The following CUBN variants were observed in gnomAD, a reference collection of about 807,000 sequenced individuals.
The protein encoded by CUBN is 460 kDa receptor.
In CUBN, 282 loss-of-function variants were observed where a neutral mutation model predicts 405.3. That is an observed-to-expected ratio of 0.70 (90% CI 0.63 to 0.77). CUBN has a LOEUF of 0.77. Ranked by LOEUF, CUBN falls within the 30% of genes least tolerant of loss-of-function variation. The pLI, the probability that CUBN is intolerant of heterozygous loss-of-function variation, is 0.00. For synonymous variants in CUBN, 1,684 were observed against 1,617.0 expected, an observed-to-expected ratio of 1.04 and a Z score of -0.99; for missense variants, 4,514 against 4,475.2, an observed-to-expected ratio of 1.01 and a Z score of -0.25.
chr10:17,062,934 GA>G, intron 22 of CUBN, among the ~76,000 whole-genome samples: 1 of 152,324 alleles, frequency 6.6e-6, no homozygotes, highest in Admixed American at 6.5e-5. Context: ...TTATTCTGCA[GA>G]AAATATCCAA....
At chr10:17,099,788 G>A (rs1392641619) in intron 14 of CUBN, among the ~76,000 whole-genome samples, 3 of 151,848 alleles carry the variant, frequency 2.0e-5, no homozygotes, top group Admixed American at 6.6e-5. Context: ...GGAGGTCGAC[G>A]TTTCAGTGAG....
intron 4 of CUBN, among the ~76,000 whole-genome samples, chr10:17,124,492 G>A (rs12260253): frequency 0.07 from 10,618 of 150,994 alleles, 707 homozygotes; most frequent in East Asian, 0.22. Flanking sequence ...GCAGTGGCGC[G>A]ATCTCCGCTC....
At chr10:17,109,827 A>G in intron 9 of CUBN, 92 bp from the exon 10 acceptor site, 1 of 952,082 alleles carries the variant, frequency 1.1e-6, no homozygotes, top group Non-Finnish European at 1.7e-6. Context: ...GAAATGGACC[A>G]ATCAGGGATC....
intron 59 of CUBN, among the ~76,000 whole-genome samples, chr10:16,857,591 T>G (rs1021092563): frequency 2.0e-5 from 3 of 152,224 alleles, no homozygotes; most frequent in Admixed American, 6.5e-5. Flanking sequence ...ATCATGTCAG[T>G]TGATGCTGAA....
At chr10:17,002,582 C>G (rs539649911) in intron 28 of CUBN, among the ~76,000 whole-genome samples, 1 of 152,288 alleles carries the variant, frequency 6.6e-6, no homozygotes, top group East Asian at 1.9e-4. Flanking sequence ...TGAAGAGACT[C>G]AGAGCCAACA....
intron 28 of CUBN, among the ~76,000 whole-genome samples, chr10:17,018,663 T>C (rs946010345): frequency 6.6e-6 from 1 of 152,138 alleles, no homozygotes; most frequent in African/African-American, 2.4e-5. Flanking sequence ...ATTCCCTTAT[T>C]TGGCCCTGCC....
intron 17 of CUBN, among the ~76,000 whole-genome samples, chr10:17,081,445 TC>T (rs1835965409): frequency 6.6e-6 from 1 of 152,208 alleles, no homozygotes; most frequent in Non-Finnish European, 1.5e-5. Flanking sequence ...TCAACCCCCC[TC>T]TAAACCACCA....
intron 65 of CUBN, among the ~76,000 whole-genome samples, chr10:16,829,384 G>A (rs1838905930): frequency 6.6e-6 from 1 of 151,578 alleles, no homozygotes; most frequent in Non-Finnish European, 1.5e-5. Flanking sequence ...AACTGTGGGA[G>A]AAAATCAAGT....
intron 6 of CUBN, among the ~76,000 whole-genome samples, chr10:17,116,765 A>G (rs988141104): frequency 7.2e-5 from 11 of 152,192 alleles, no homozygotes; most frequent in African/African-American, 1.9e-4. Flanking sequence ...CCCAGAACCA[A>G]TTGCTGGGGT....
intron 28 of CUBN, among the ~76,000 whole-genome samples, chr10:17,000,785 A>G (rs556066105): frequency 6.6e-6 from 1 of 152,222 alleles, no homozygotes; most frequent in Non-Finnish European, 1.5e-5. Flanking sequence ...ACATCACTTA[A>G]CTTGTCTCAG....
chr10:16,877,953 C>T (rs913866840), intron 56 of CUBN, among the ~76,000 whole-genome samples: 4 of 152,192 alleles, frequency 2.6e-5, no homozygotes, highest in Admixed American at 1.3e-4. Flanking sequence ...TATGAAATTA[C>T]ATCCATCATG....
At chr10:17,093,698 A>G (rs2131289111) in intron 14 of CUBN, among the ~76,000 whole-genome samples, 1 of 152,202 alleles carries the variant, frequency 6.6e-6, no homozygotes, top group African/African-American at 2.4e-5. Flanking sequence ...CCAAAACCCA[A>G]TAATAAATAA....
chr10:17,126,387 C>G (rs189713547), intron 4 of CUBN, among the ~76,000 whole-genome samples: 22 of 152,282 alleles, frequency 1.4e-4, no homozygotes, highest in African/African-American at 4.8e-4. Flanking sequence ...CCGAGCTTAG[C>G]GTCAGAGAGG....
intron 54 of CUBN, among the ~76,000 whole-genome samples, chr10:16,891,181 T>C (rs925308922): frequency 6.6e-6 from 1 of 152,146 alleles, no homozygotes; most frequent in African/African-American, 2.4e-5. Context: ...TGAATTTATA[T>C]ACTCATGCAA....
intron 17 of CUBN, among the ~76,000 whole-genome samples, chr10:17,081,840 T>C (rs894736596): frequency 6.6e-6 from 1 of 152,220 alleles, no homozygotes; most frequent in Admixed American, 6.5e-5. Flanking sequence ...ATTAAGGTCC[T>C]TGCTGATGCC....
intron 6 of CUBN, among the ~76,000 whole-genome samples, chr10:17,120,883 T>C (rs534423515): frequency 2.6e-5 from 4 of 152,258 alleles, no homozygotes; most frequent in Admixed American, 2.0e-4. Flanking sequence ...AAATCTAATC[T>C]CTGTAACATT....
chr10:17,107,485 T>C (rs2131304589), intron 10 of CUBN, among the ~76,000 whole-genome samples: 1 of 146,462 alleles, frequency 6.8e-6, no homozygotes, highest in East Asian at 2.0e-4. Context: ...AATGACAATA[T>C]AAGTTGTTCT....
intron 28 of CUBN, among the ~76,000 whole-genome samples, chr10:16,997,643 G>A (rs980455606): frequency 6.6e-6 from 1 of 152,128 alleles, no homozygotes; most frequent in African/African-American, 2.4e-5. Flanking sequence ...ATAAAAAAAC[G>A]TAATTACAAG....
intron 40 of CUBN, among the ~76,000 whole-genome samples, chr10:16,929,136 G>A (rs1318151848): frequency 3.9e-5 from 6 of 152,070 alleles, no homozygotes; most frequent in African/African-American, 1.4e-4. Context: ...CTTTTCATCT[G>A]TGTTTGTTCA....
Sources: allele counts gnomAD v4.1 joint callset (sites outside exome capture counted in the v4.1 genomes callset), GRCh38; gene constraint gnomAD v4.1.1; transcripts MANE v1.5; gene names NCBI Gene and HGNC (gene_info 2026-07-23, HGNC 2026-07-21).